Variants in DPP4 observed in about 807,000 individuals in gnomAD.
DPP4 encodes the protein ADCP-2.
In DPP4, 93 loss-of-function variants were observed where a neutral mutation model predicts 122.4. That is an observed-to-expected ratio of 0.76 (90% confidence interval 0.64 to 0.90). The LOEUF is 0.90. Ranked by LOEUF, DPP4 falls within the 40% of genes least tolerant of loss-of-function variation. DPP4 has a pLI of 0.00. For synonymous variants in DPP4, 321 were observed against 302.9 expected (o/e 1.06, Z -0.62); for missense variants, 914 against 907.3 (o/e 1.01, Z -0.09).
At chr2:161,997,916 C>T (rs758730062) in intron 23 of DPP4, among the ~76,000 whole-genome samples, 1 of 152,174 alleles carries the variant, frequency 6.6e-6, no homozygotes, top group African/African-American at 2.4e-5. Flanking sequence ...CATTGCACTG[C>T]GTCTCCACTA....
At chr2:162,034,991 C>A (rs1029158869) in intron 9 of DPP4, among the ~76,000 whole-genome samples, 173 bp downstream of exon 9, 5 of 152,092 alleles carry the variant, frequency 3.3e-5, no homozygotes, top group Admixed American at 1.3e-4. Context: ...CACACTCTTT[C>A]CTGGGATAAT....
intron 22 of DPP4, 98 bp downstream of exon 22, chr2:162,008,464 C>A: frequency 1.0e-6 from 1 of 967,466 alleles, no homozygotes; most frequent in East Asian, 2.4e-5. Context: ...GCCTATTATT[C>A]GCTGTAAAAA....
intron 23 of DPP4, among the ~76,000 whole-genome samples, chr2:162,003,997 T>TA (rs1701218950): frequency 6.6e-6 from 1 of 152,098 alleles, no homozygotes; most frequent in African/African-American, 2.4e-5. Context: ...GAGGGCTGTG[T>TA]AAGTTTCTGA....
intron 2 of DPP4, among the ~76,000 whole-genome samples, chr2:162,057,471 T>A (rs990368991): frequency 1.3e-5 from 2 of 152,064 alleles, no homozygotes; most frequent in Non-Finnish European, 2.9e-5. Flanking sequence ...AGAGAAAAAA[T>A]TGGATGGCAA....
chr2:161,999,861 C>G (rs993581866), intron 23 of DPP4, among the ~76,000 whole-genome samples: 1 of 152,098 alleles, frequency 6.6e-6, no homozygotes, highest in Admixed American at 6.5e-5. Flanking sequence ...TCATGGCAGG[C>G]ACAAGCACCT....
At chr2:162,041,040 C>T (rs1012532031) in intron 5 of DPP4, among the ~76,000 whole-genome samples, 5 of 150,686 alleles carry the variant, frequency 3.3e-5, no homozygotes, top group Non-Finnish European at 1.5e-5. Context: ...ATAGACCAAG[C>T]AATAACTAAA....
Position 162,018,956 on chromosome 2 carries a change from A to G in DPP4, c.1299-106T>C, listed in dbSNP as rs2106099150. The G allele has an allele frequency of 7.7e-6, 11 of 1,429,774 alleles. No homozygotes were observed. The East Asian group carries it at 2.5e-4, about 33-fold the overall frequency. 88.6% of individuals were successfully genotyped at this position (1,429,774 alleles called of 1,614,324 possible). A position where few individuals can be genotyped will look rare whatever the true frequency, so the allele number is the denominator to read the frequency against. On this transcript the variant is annotated intron_variant, in intron 15 of 25. Coordinates refer to ENST00000360534, the MANE Select transcript of DPP4 (RefSeq NM_001935.4). ...TTCAAAGACAGCAGCATGCCAACGC[A>G]ATCTTTAGGACTTTTTTTTTTTTAG...
intron 5 of DPP4, 78 bp from the exon 6 acceptor site, chr2:162,039,262 A>C (rs1683903532): frequency 8.8e-7 from 1 of 1,141,624 alleles, no homozygotes; most frequent in African/African-American, 1.6e-5. Context: ...CCAAGATGAT[A>C]GGTTTGGTAA....
intron 2 of DPP4, among the ~76,000 whole-genome samples, chr2:162,066,708 A>G (rs1343210264): frequency 1.3e-5 from 2 of 152,172 alleles, no homozygotes; most frequent in Non-Finnish European, 2.9e-5. Context: ...TGGTGACTGG[A>G]AAGTTCAATA....
intron 8 of DPP4, among the ~76,000 whole-genome samples, chr2:162,037,085 C>A (rs1683803645): frequency 6.6e-6 from 1 of 152,164 alleles, no homozygotes; most frequent in African/African-American, 2.4e-5. Context: ...TCTGTATTGA[C>A]AATGTAGTAA....
intron 2 of DPP4, among the ~76,000 whole-genome samples, chr2:162,065,947 A>G (rs964154889): frequency 2.6e-5 from 4 of 152,220 alleles, no homozygotes; most frequent in Non-Finnish European, 5.9e-5. Context: ...AAAATCCTCA[A>G]TAAATATTTG....
In DPP4 at chr2:162,074,086, T is replaced by A. The variant is rs1252652098; in HGVS notation, c.-105A>T. On this transcript the variant is annotated 5_prime_UTR_variant, in exon 1 of 26. It removes the in-frame stop codon of an upstream open reading frame in the 5' UTR. Coordinates refer to ENST00000360534, the MANE Select transcript of DPP4 (RefSeq NM_001935.4). The stretch of plus-strand genomic sequence containing the variant: ...TGCACCGCTGCTCCGGGCGGTGGAG[T>A]CACTCGCCGCTGGCAAGTTTCGGCC... 1 of 1,498,918 alleles carries A rather than the reference T, an allele frequency of 6.7e-7. No individual in the cohort carries two copies. Among genetic ancestry groups the A allele is most frequent in the Non-Finnish European group, 8.9e-7 (1 of 1,124,332 alleles). 92.9% of individuals were successfully genotyped at this position (1,498,918 alleles called of 1,614,324 possible).
chr2:162,059,536 T>C (rs1055928348), intron 2 of DPP4, among the ~76,000 whole-genome samples: 2 of 152,210 alleles, frequency 1.3e-5, no homozygotes, highest in African/African-American at 4.8e-5. Flanking sequence ...GAGACTTCAG[T>C]GGAGGGTATT....
intron 2 of DPP4, among the ~76,000 whole-genome samples, chr2:162,062,225 T>C (rs1684800369): frequency 6.6e-6 from 1 of 152,064 alleles, no homozygotes; most frequent in Admixed American, 6.6e-5. Context: ...GTGGTTGCAG[T>C]GAGCTGAGAC....
chr2:161,993,212 A>G lies in DPP4; in HGVS notation c.*71T>C, dbSNP rs1388530901. On this transcript the variant is annotated 3_prime_UTR_variant, in exon 26 of 26. Transcript: ENST00000360534. ...TTTTAAAGATCATCATCATCTTGAC[A>G]GTGCAGTTTTGAGATAATGAAAACA... 1 of 1,150,656 alleles carries G rather than the reference A, an allele frequency of 8.7e-7. No individual in the cohort carries two copies. Among genetic ancestry groups the G allele is most frequent in the East Asian group, 2.4e-5 (1 of 42,476 alleles). The allele number at this position is 1,150,656 out of a possible 1,614,324, so 71.3% of individuals were successfully genotyped here. A position where few individuals can be genotyped will look rare whatever the true frequency, so the allele number is the denominator to read the frequency against.
At position 162,030,629 on chromosome 2, in the gene DPP4, C is replaced by T. The variant is rs180876034; in HGVS notation, c.887+2912G>A. On this transcript the variant is annotated intron_variant, in intron 10 of 25. Coordinates refer to ENST00000360534, the MANE Select transcript of DPP4 (RefSeq NM_001935.4). ...TGGATCTTTGCATGAGGCCAGAAAA[C>T]GGTGTATCATCATGTACTAGAGCAT... 3.3e-5 allele frequency among the ~76,000 whole-genome samples: 5 copies of T among 152,220 alleles called. No individual in the cohort carries two copies. The East Asian group carries it at 5.8e-4, about 18-fold the overall frequency.
At chr2:162,026,270 T>G (rs570437719) in intron 10 of DPP4, among the ~76,000 whole-genome samples, 22 of 152,300 alleles carry the variant, frequency 1.4e-4, no homozygotes, top group Admixed American at 3.9e-4. Context: ...ACACTTAATG[T>G]GCGAATGTGC....
At chr2:162,023,481 C>T (rs1683211296) in intron 11 of DPP4, among the ~76,000 whole-genome samples, 1 of 152,194 alleles carries the variant, frequency 6.6e-6, no homozygotes, top group Non-Finnish European at 1.5e-5. Flanking sequence ...TACACCTCTC[C>T]CCCAGTCCCT....
chr2:162,017,065 C>T lies in DPP4; in HGVS notation c.1468+43G>A, dbSNP rs1382162805. 1.9e-6 allele frequency: 3 copies of T among 1,587,770 alleles called. No homozygotes were observed. The East Asian group carries it at 6.7e-5, about 36-fold the overall frequency. ...AAGTACATGTTAGACTTATGCAACA[C>T]ACTTTCTTAGAAACAAATGAAGAGT... On this transcript the variant is annotated intron_variant, in intron 17 of 25. Coordinates refer to ENST00000360534, the MANE Select transcript of DPP4 (RefSeq NM_001935.4).
Sources: allele counts gnomAD v4.1 joint callset (sites outside exome capture counted in the v4.1 genomes callset), GRCh38; gene constraint gnomAD v4.1.1; transcripts MANE v1.5; gene names NCBI Gene and HGNC (gene_info 2026-07-23, HGNC 2026-07-21).